Variants in CUBN observed in about 807,000 individuals in gnomAD.
CUBN encodes the protein cubilin.
CUBN carries 282 observed loss-of-function variants against 405.3 expected under a neutral mutation model. The ratio of observed to expected loss-of-function variants is 0.70; its 90% confidence interval spans 0.63 to 0.77. The LOEUF (loss-of-function observed/expected upper bound fraction) is 0.77. Ranked by LOEUF, CUBN falls within the 30% of genes least tolerant of loss-of-function variation. The probability of loss-of-function intolerance (pLI) is 0.00; values close to 1 mark genes in which losing one functional copy is unlikely to be tolerated. For missense variants in CUBN, 4,514 were observed against 4,475.2 expected (o/e 1.01, Z -0.25); for synonymous variants, 1,684 against 1,617.0 (o/e 1.04, Z -0.99).
chr10:16,963,733 T>G (rs2131653075), intron 31 of CUBN, among the ~76,000 whole-genome samples: 1 of 152,274 alleles, frequency 6.6e-6, no homozygotes, highest in Non-Finnish European at 1.5e-5. Flanking sequence ...AAGAATGCAT[T>G]AGATCTGTAT....
rs1835738071 is a variant in CUBN at position 17,071,481 on chromosome 10, T to G, written c.2570A>C (p.Asn857Thr). Residue 857 changes from asparagine to threonine, a missense_variant, in exon 19 of 67, where the codon AAC becomes ACC. Physicochemically the swap from Asn to Thr is moderately conservative, Grantham distance 65. Coordinates refer to ENST00000377833, the MANE Select transcript of CUBN (RefSeq NM_001081.4). Reference protein sequence around the residue: ...HQPQSQVILLNFTVFEIGSSA... With the variant: ...HQPQSQVILLTFTVFEIGSSA... ...ACTTCCAATTTCAAAGACAGTGAAGTTGAGGAGAATGACTTGGCTTTGGGG... is the reference window on the plus strand; with the variant it reads ...ACTTCCAATTTCAAAGACAGTGAAGGTGAGGAGAATGACTTGGCTTTGGGG... The G allele has an allele frequency of 6.2e-7, 1 of 1,613,902 alleles. No individual in the cohort carries two copies. The highest frequency in any genetic ancestry group is 1.7e-5 in the Admixed American group (1 of 59,980).
chr10:16,933,006 C>T, intron 40 of CUBN, 81 bp downstream of exon 40: 1 of 1,401,386 alleles, frequency 7.1e-7, no homozygotes, highest in South Asian at 1.2e-5. Context: ...CGGATGGAGG[C>T]AGTATGCAAG....
intron 25 of CUBN, 75 bp from the exon 26 acceptor site, chr10:17,044,058 T>G: frequency 1.0e-6 from 1 of 989,628 alleles, no homozygotes; most frequent in Non-Finnish European, 1.5e-6. Context: ...CCAGAAGAAG[T>G]GAGGAAGAAA....
chr10:16,955,903 G>A (rs1303359350), intron 31 of CUBN, among the ~76,000 whole-genome samples: 2 of 152,164 alleles, frequency 1.3e-5, no homozygotes, highest in African/African-American at 4.8e-5. Context: ...TATCAACTGA[G>A]CAGGACGCAT....
intron 41 of CUBN, among the ~76,000 whole-genome samples, chr10:16,927,863 A>T (rs1842236243): frequency 6.6e-6 from 1 of 152,170 alleles, no homozygotes; most frequent in South Asian, 2.1e-4. Context: ...AGGCTGAAAA[A>T]TTGCTTTAAA....
rs1242356228 is a variant in CUBN at position 17,113,938 on chromosome 10, C to A, written c.883+89G>T. On this transcript the variant is annotated intron_variant, in intron 8 of 66. Transcript: ENST00000377833. ...GATTTGAACACCTCCTAAGAATTGT[C>A]TTCTTACTCATCAATAGTGAAAGAA... 6 of 1,282,846 alleles carry A rather than the reference C, an allele frequency of 4.7e-6. No individual in the cohort carries two copies. In the Admixed American group the frequency reaches 7.8e-5, roughly 17 times the overall value. 79.5% of individuals were successfully genotyped at this position (1,282,846 alleles called of 1,614,324 possible).
At chr10:16,907,352 G>T (rs1841581203) in intron 49 of CUBN, among the ~76,000 whole-genome samples, 156 bp downstream of exon 49, 1 of 152,284 alleles carries the variant, frequency 6.6e-6, no homozygotes, top group South Asian at 2.1e-4. Flanking sequence ...TCTGTCTGCA[G>T]TGCGTTTTTC....
At chr10:16,883,972 A>G (rs1440959563) in intron 56 of CUBN, among the ~76,000 whole-genome samples, 1 of 152,096 alleles carries the variant, frequency 6.6e-6, no homozygotes, top group Non-Finnish European at 1.5e-5. Flanking sequence ...CATTTTTTAA[A>G]TTTTATTTAT....
intron 39 of CUBN, 130 bp from the exon 40 acceptor site, chr10:16,933,414 C>T: frequency 1.3e-6 from 1 of 792,980 alleles, no homozygotes; most frequent in South Asian, 1.5e-5. Flanking sequence ...TCAGAGAAAT[C>T]AATGAATATC....
At chr10:17,102,285 T>G (rs1836511864) in intron 13 of CUBN, among the ~76,000 whole-genome samples, 3 of 149,716 alleles carry the variant, frequency 2.0e-5, no homozygotes, top group African/African-American at 7.5e-5. Context: ...ATTTATTTAT[T>G]TATTTATTTA....
chr10:16,888,608 C>T (rs1249491609), intron 55 of CUBN, 42 bp from the exon 56 acceptor site: 16 of 1,580,750 alleles, frequency 1.0e-5, no homozygotes, highest in African/African-American at 2.7e-5. Context: ...ATTTATTTCT[C>T]GTGTATCTAT....
At chr10:17,011,420 G>A (rs919503031) in intron 28 of CUBN, among the ~76,000 whole-genome samples, 9 of 151,974 alleles carry the variant, frequency 5.9e-5, no homozygotes, top group East Asian at 5.8e-4. Flanking sequence ...AAGGTAGTGC[G>A]GAGTTATTTG....
In CUBN at chr10:16,913,910, G is replaced by A. The variant is rs148976047; in HGVS notation, c.7434C>T (p.Cys2478=). ...YPNPNPHGRI[C]EWRITAPEGR... ...CCTCCGGGGCAGTGATTCTCCACTC[G>A]CAGATCCGGCCATGAGGATTTGGGT... The change falls in exon 48 of 67, where the codon TGC becomes TGT. Residue 2478 remains cysteine (C), a synonymous_variant. Coordinates refer to ENST00000377833, the MANE Select transcript of CUBN (RefSeq NM_001081.4). The A allele has an allele frequency of 9.0e-5, 145 of 1,613,914 alleles. 1 individual carries two copies. In the African/African-American group the frequency reaches 1.6e-3, roughly 18 times the overall value.
intron 48 of CUBN, among the ~76,000 whole-genome samples, chr10:16,910,622 GAAT>G (rs1202104114): frequency 6.6e-6 from 1 of 152,064 alleles, no homozygotes; most frequent in East Asian, 1.9e-4. Flanking sequence ...AAATACGAAT[GAAT>G]AGCCAAGGAT....
chr10:17,050,292 G>A (rs527431653), intron 22 of CUBN, among the ~76,000 whole-genome samples: 51 of 152,262 alleles, frequency 3.3e-4, no homozygotes, highest in African/African-American at 1.2e-3. Flanking sequence ...ACAATCTGCA[G>A]TACAAGATTG....
At chr10:16,909,009 A>C (rs1037543550) in intron 48 of CUBN, among the ~76,000 whole-genome samples, 2 of 150,884 alleles carry the variant, frequency 1.3e-5, no homozygotes, top group Non-Finnish European at 2.9e-5. Context: ...CAGCCTCCCG[A>C]GTAGCTGGGA....
chr10:16,892,907 A>T (rs541884829), intron 54 of CUBN, among the ~76,000 whole-genome samples: 1 of 152,210 alleles, frequency 6.6e-6, no homozygotes, highest in Non-Finnish European at 1.5e-5. Context: ...AAGTGCTTAT[A>T]CTTTTCTGAA....
At chr10:16,842,232 T>C (rs1839376177) in intron 60 of CUBN, among the ~76,000 whole-genome samples, 2 of 151,970 alleles carry the variant, frequency 1.3e-5, no homozygotes, top group Non-Finnish European at 2.9e-5. Flanking sequence ...TTTTTAGAGA[T>C]GGGGTCTTCC....
chr10:16,945,143 C>A (rs1485307389), intron 36 of CUBN, among the ~76,000 whole-genome samples: 1 of 151,926 alleles, frequency 6.6e-6, no homozygotes, highest in African/African-American at 2.4e-5. Flanking sequence ...CAGTTCCTGG[C>A]AACCACTGAA....
Sources: allele counts gnomAD v4.1 joint callset (sites outside exome capture counted in the v4.1 genomes callset), GRCh38; gene constraint gnomAD v4.1.1; transcripts MANE v1.5; gene names NCBI Gene and HGNC (gene_info 2026-07-23, HGNC 2026-07-21).